The following KIRREL3 variants were observed in gnomAD, a reference collection of about 807,000 sequenced individuals.
KIRREL3 encodes kin of IRRE-like protein 3.
Under a neutral mutation model 89.7 loss-of-function variants are expected in KIRREL3, and 36 were observed. That is an observed-to-expected ratio of 0.40 (90% CI 0.31 to 0.53). The LOEUF (loss-of-function observed/expected upper bound fraction) is 0.53, where lower values mean the gene tolerates loss of function less well. KIRREL3 is among the 20% of genes least tolerant of loss of function. KIRREL3 has a pLI of 0.49. For synonymous variants in KIRREL3, 445 were observed against 441.4 expected (o/e 1.01, Z -0.10); for missense variants, 864 against 1,056.6 (o/e 0.82, Z 2.53).
intron 1 of KIRREL3, among the ~76,000 whole-genome samples, chr11:126,654,237 G>A (rs1945030600): frequency 6.6e-6 from 1 of 152,072 alleles, no homozygotes; most frequent in Non-Finnish European, 1.5e-5. Context: ...GCTAGAAGTT[G>A]CTAAAGGATG....
In KIRREL3 at chr11:126,791,834, C is replaced by A. The variant is rs111919639; in HGVS notation, c.55+208621G>T. On this transcript the variant is annotated intron_variant, in intron 1 of 16. Transcript: ENST00000525144. The surrounding 1 kb of genome is among the most constrained non-coding windows in gnomAD (Gnocchi z 4.8). Reference sequence around the variant, plus strand: ...AGGGACAGTTGTGGGGCTGTAGGGGCGGTTTCTCAGAGTGTGAGGTATGGG... The same window carrying A: ...AGGGACAGTTGTGGGGCTGTAGGGGAGGTTTCTCAGAGTGTGAGGTATGGG... Among the ~76,000 whole-genome samples the A allele has an allele frequency of 1.2e-4, 18 of 152,204 alleles. 1 individual carries two copies. Among genetic ancestry groups the A allele is most frequent in the African/African-American group, 3.6e-4 (15 of 41,520 alleles).
At chr11:126,603,913 C>T (rs931989656) in intron 1 of KIRREL3, among the ~76,000 whole-genome samples, 3 of 152,190 alleles carry the variant, frequency 2.0e-5, no homozygotes, top group African/African-American at 7.2e-5. Context: ...CCACTAGCCC[C>T]GAGGCTGGAG....
intron 1 of KIRREL3, among the ~76,000 whole-genome samples, chr11:126,958,925 T>A (rs1949002663): frequency 6.6e-6 from 1 of 152,174 alleles, no homozygotes; most frequent in Non-Finnish European, 1.5e-5. Context: ...TGTGAGGATG[T>A]TTTTGGATTA....
At chr11:126,799,671 T>A (rs1950969799) in intron 1 of KIRREL3, among the ~76,000 whole-genome samples, 1 of 152,034 alleles carries the variant, frequency 6.6e-6, no homozygotes, top group Non-Finnish European at 1.5e-5. Context: ...GAGGAAGGAA[T>A]GGGGTGGAGC....
intron 1 of KIRREL3, among the ~76,000 whole-genome samples, chr11:126,613,933 C>T (rs569038418): frequency 7.8e-6 from 1 of 127,472 alleles, no homozygotes; most frequent in Non-Finnish European, 1.6e-5. Flanking sequence ...GGGGAGTGAA[C>T]CTGAAGGTCT....
At chr11:126,913,981 A>G (rs1286484925) in intron 1 of KIRREL3, among the ~76,000 whole-genome samples, 1 of 152,248 alleles carries the variant, frequency 6.6e-6, no homozygotes, top group Admixed American at 6.5e-5. Flanking sequence ...CAGCAGCATT[A>G]CGGTAGACTA....
At chr11:126,630,767 C>T (rs983737573) in intron 1 of KIRREL3, among the ~76,000 whole-genome samples, 4 of 152,150 alleles carry the variant, frequency 2.6e-5, no homozygotes, top group Admixed American at 6.5e-5. Flanking sequence ...GGCCCTTTTT[C>T]CTGATGTGTG....
Position 126,684,644 on chromosome 11 carries a change from G to A in KIRREL3, c.56-121732C>T, listed in dbSNP as rs2135112638. 1.3e-5 allele frequency among the ~76,000 whole-genome samples: 2 copies of A among 152,278 alleles called. No individual in the cohort carries two copies. The highest frequency in any genetic ancestry group is 6.8e-3 in the Middle Eastern group (2 of 294). ...ACTTAGAATTAAATTCATTTCTTTGGGCCAGTCTCCTTTGTCTGCACTTGC... is the reference window on the plus strand; with the variant it reads ...ACTTAGAATTAAATTCATTTCTTTGAGCCAGTCTCCTTTGTCTGCACTTGC... On this transcript the variant is annotated intron_variant, in intron 1 of 16. Transcript: ENST00000525144. The surrounding 1 kb of genome is among the most constrained non-coding windows in gnomAD (Gnocchi z 4.2).
At chr11:126,871,506 A>G (rs1419121811) in intron 1 of KIRREL3, among the ~76,000 whole-genome samples, 2 of 152,212 alleles carry the variant, frequency 1.3e-5, no homozygotes, top group Non-Finnish European at 2.9e-5. Context: ...AAAAACTTTT[A>G]TCCAAGAGCA....
Position 126,995,097 on chromosome 11 carries a change from C to T in KIRREL3, c.55+5358G>A. 1 of 426,962 alleles carries T rather than the reference C, an allele frequency of 2.3e-6. No individual in the cohort carries two copies. The highest frequency in any genetic ancestry group is 2.5e-5 in the Admixed American group (1 of 39,334). 26.4% of individuals were successfully genotyped at this position (426,962 alleles called of 1,614,324 possible). A position where few individuals can be genotyped will look rare whatever the true frequency, so the allele number is the denominator to read the frequency against. On this transcript the variant is annotated intron_variant, in intron 1 of 16. Transcript: ENST00000525144. This position sits in a 1 kb window ranked among gnomAD's most constrained non-coding sequence, Gnocchi z 6.5. ...GAATACAGGATGAAGCGATTACAAC[C>T]TGGGCGCAGTATACTGGCTGGCTTT...
intron 1 of KIRREL3, among the ~76,000 whole-genome samples, chr11:126,982,977 C>T (rs1248887674): frequency 6.6e-6 from 1 of 152,130 alleles, no homozygotes; most frequent in Non-Finnish European, 1.5e-5. Flanking sequence ...AATAGATGTG[C>T]CTGCTAATCT....
intron 1 of KIRREL3, among the ~76,000 whole-genome samples, chr11:126,637,607 T>A (rs567158477): frequency 2.0e-5 from 3 of 152,154 alleles, no homozygotes; most frequent in Non-Finnish European, 4.4e-5. Flanking sequence ...TAAATCCTGA[T>A]AAAAACATGG....
At chr11:126,617,803 T>C (rs1351278313) in intron 1 of KIRREL3, among the ~76,000 whole-genome samples, 3 of 152,206 alleles carry the variant, frequency 2.0e-5, no homozygotes, top group Non-Finnish European at 4.4e-5. Flanking sequence ...TGTATATAAG[T>C]AGCAAAACTA....
chr11:126,886,283 T>C (rs763580697), intron 1 of KIRREL3, among the ~76,000 whole-genome samples: 7 of 152,204 alleles, frequency 4.6e-5, no homozygotes, highest in Non-Finnish European at 1.0e-4. Context: ...GACTCACTAA[T>C]ATCTATTTTC....
rs1461648778 is a variant in KIRREL3, at chr11:126,477,072, C to T, written c.434-3606G>A. On this transcript the variant is annotated intron_variant, in intron 4 of 16. Coordinates refer to ENST00000525144, the MANE Select transcript of KIRREL3 (RefSeq NM_032531.4). The surrounding 1 kb of genome is among the most constrained non-coding windows in gnomAD (Gnocchi z 4.8). ...GCACTGAAGCCTGGGGAGGACTGAG[C>T]GGATCCCAGGCAGAGTGGGTCCCCA... Among the ~76,000 whole-genome samples the T allele has an allele frequency of 2.0e-5, 3 of 152,184 alleles. No individual in the cohort carries two copies. The highest frequency in any genetic ancestry group is 1.9e-4 in the East Asian group (1 of 5,192).
chr11:126,451,787 C>G (rs1022308467), intron 7 of KIRREL3, among the ~76,000 whole-genome samples: 10 of 146,360 alleles, frequency 6.8e-5, no homozygotes, highest in African/African-American at 2.3e-4. Flanking sequence ...TCCGTTTCCC[C>G]TGGTTTAATC....
rs1004126218 is a variant in KIRREL3, at chr11:126,879,409, G to C, written c.55+121046C>G. Among the ~76,000 whole-genome samples, 3 of 152,186 alleles carry C rather than the reference G, an allele frequency of 2.0e-5. No homozygotes were observed. The highest frequency in any genetic ancestry group is 2.9e-5 in the Non-Finnish European group (2 of 68,036). ...CTTTTTTGTGGCAGCCAGCTGTACC[G>C]GAGAAGCAGCTGATGAGGTTGCAGT... On this transcript the variant is annotated intron_variant, in intron 1 of 16. Transcript: ENST00000525144. This position sits in a 1 kb window ranked among gnomAD's most constrained non-coding sequence, Gnocchi z 5.4.
rs1023783843 is a variant in KIRREL3 at position 126,563,995 on chromosome 11, C to T, written c.56-1083G>A. ...CGATTGTCTTAGACCCCCACCCCACCTTGTAGCATAGAAGTCTTACAAATG... is the reference window on the plus strand; with the variant it reads ...CGATTGTCTTAGACCCCCACCCCACTTTGTAGCATAGAAGTCTTACAAATG... On this transcript the variant is annotated intron_variant, in intron 1 of 16. Transcript: ENST00000525144. This position sits in a 1 kb window ranked among gnomAD's most constrained non-coding sequence, Gnocchi z 6.8. Among the ~76,000 whole-genome samples, 1 of 152,228 alleles carries T rather than the reference C, an allele frequency of 6.6e-6. No individual in the cohort carries two copies. The highest frequency in any genetic ancestry group is 1.5e-5 in the Non-Finnish European group (1 of 68,044).
At chr11:126,961,829 A>G (rs1218770349) in intron 1 of KIRREL3, among the ~76,000 whole-genome samples, 1 of 152,236 alleles carries the variant, frequency 6.6e-6, no homozygotes, top group African/African-American at 2.4e-5. Context: ...CCCTCTCATT[A>G]TGGACTAACA....
Sources: gnomAD v4.1 joint callset for allele counts (sites outside exome capture counted in the v4.1 genomes callset) on GRCh38, gnomAD v4.1.1 for gene constraint, Gnocchi (gnomAD v3.1) non-coding constraint, MANE v1.5 for transcripts, NCBI Gene and HGNC (gene_info 2026-07-23, HGNC 2026-07-21) for gene names.